Variants in SLC30A6 observed in about 807,000 individuals in gnomAD.
The protein encoded by SLC30A6 is zinc transporter 6.
Under a neutral mutation model 63.0 loss-of-function variants are expected in SLC30A6, and 55 were observed. The observed-to-expected ratio is 0.87, with a 90% CI of 0.70 to 1.09. SLC30A6 has a LOEUF of 1.09. Among genes scored for constraint, SLC30A6 ranks in the 50% least tolerant of loss-of-function variants. The probability of loss-of-function intolerance (pLI) is 0.00; values close to 1 mark genes in which losing one functional copy is unlikely to be tolerated. For synonymous variants in SLC30A6, 224 were observed against 186.1 expected, an observed-to-expected ratio of 1.20 and a Z score of -1.66; for missense variants, 587 against 549.2, an observed-to-expected ratio of 1.07 and a Z score of -0.69.
intron 4 of SLC30A6, among the ~76,000 whole-genome samples, chr2:32,179,533 C>A (rs1318794508): frequency 6.6e-6 from 1 of 152,104 alleles, no homozygotes; most frequent in Non-Finnish European, 1.5e-5. Flanking sequence ...AGGGTAGGAC[C>A]CAAGAATTTG....
At chr2:32,171,172 T>C (rs1031441201) in intron 1 of SLC30A6, 115 bp from the exon 2 acceptor site, 1 of 738,342 alleles carries the variant, frequency 1.4e-6, no homozygotes, top group East Asian at 2.8e-5. Flanking sequence ...TTGATGTATA[T>C]TGAGTACTTA....
At chr2:32,174,711 G>A (rs1337940110) in intron 3 of SLC30A6, among the ~76,000 whole-genome samples, 2 of 151,490 alleles carry the variant, frequency 1.3e-5, no homozygotes, top group African/African-American at 2.4e-5. Context: ...GTACCACCAC[G>A]CCTGGCTAAT....
chr2:32,204,425 A>G (rs1280950734), intron 10 of SLC30A6, among the ~76,000 whole-genome samples, 165 bp from the exon 11 acceptor site: 1 of 152,170 alleles, frequency 6.6e-6, no homozygotes, highest in Non-Finnish European at 1.5e-5. Context: ...TAAAAACTGG[A>G]GTATTTTTCT....
chr2:32,197,816 A>G lies in SLC30A6; in HGVS notation c.655A>G (p.Ile219Val), dbSNP rs138194998. 9 of 1,613,324 alleles carry G rather than the reference A, an allele frequency of 5.6e-6. No individual in the cohort carries two copies. The highest frequency in any genetic ancestry group is 1.1e-5 in the South Asian group (1 of 90,904). Reference sequence around the variant, plus strand: ...TGCTCTTTGTATTACATATATGCTCATTGAAATTAAGTGAGTATTTTTTAT... The same window carrying G: ...TGCTCTTTGTATTACATATATGCTCGTTGAAATTAAGTGAGTATTTTTTAT... The part of the protein sequence containing the change: ...AFALCITYML[I>V]EINNYFAVDT... The change falls in exon 10 of 14, where the codon ATT becomes GTT. Residue 219 changes from isoleucine to valine, a missense_variant. Ile to Val is a conservative substitution (Grantham distance 29). Coordinates refer to ENST00000282587, the MANE Select transcript of SLC30A6 (RefSeq NM_017964.5).
chr2:32,203,135 C>T, intron 10 of SLC30A6: 1 of 1,281,006 alleles, frequency 7.8e-7, no homozygotes, highest in Non-Finnish European at 1.1e-6. Flanking sequence ...TGGTGGCAAC[C>T]AACGTGGCTG....
intron 7 of SLC30A6, among the ~76,000 whole-genome samples, chr2:32,193,640 C>T (rs1365720605): frequency 6.6e-6 from 1 of 152,148 alleles, no homozygotes. Context: ...AGATTTATAA[C>T]AGCGTTTACC....
chr2:32,198,965 C>T (rs556532407), intron 10 of SLC30A6, among the ~76,000 whole-genome samples: 4 of 152,154 alleles, frequency 2.6e-5, no homozygotes, highest in Non-Finnish European at 5.9e-5. Flanking sequence ...CCTTAAATTC[C>T]ATGCTCATTA....
intron 4 of SLC30A6, among the ~76,000 whole-genome samples, chr2:32,179,639 A>T (rs1030073910): frequency 6.6e-6 from 1 of 152,212 alleles, no homozygotes; most frequent in African/African-American, 2.4e-5. Flanking sequence ...ATAAAATCAA[A>T]GCATTTTATG....
chr2:32,182,207 G>T lies in SLC30A6; in HGVS notation c.219-2066G>T, dbSNP rs1193204296. ...CTGCCCTGACCTCCCAAAGTGCTAGGTTTACAGGCATGAGCCACCACGCCC... is the reference window on the plus strand; with the variant it reads ...CTGCCCTGACCTCCCAAAGTGCTAGTTTTACAGGCATGAGCCACCACGCCC... On this transcript the variant is annotated intron_variant, in intron 4 of 13. Coordinates refer to ENST00000282587, the MANE Select transcript of SLC30A6 (RefSeq NM_017964.5). Among the ~76,000 whole-genome samples, 8 of 151,988 alleles carry T rather than the reference G, an allele frequency of 5.3e-5. 1 individual carries two copies.
At chr2:32,208,078 C>T (rs1314313396) in intron 12 of SLC30A6, among the ~76,000 whole-genome samples, 4 of 151,744 alleles carry the variant, frequency 2.6e-5, no homozygotes, top group East Asian at 1.9e-4. Flanking sequence ...GTGATCCACC[C>T]GCCTCGGCCT....
chr2:32,203,514 C>T (rs1684476374), intron 10 of SLC30A6: 1 of 1,605,732 alleles, frequency 6.2e-7, no homozygotes, highest in Non-Finnish European at 8.5e-7. Flanking sequence ...ATTTCTGGTG[C>T]ATCAGGCTTT....
At chr2:32,214,149 C>T (rs559151267) in intron 13 of SLC30A6, among the ~76,000 whole-genome samples, 46 of 152,162 alleles carry the variant, frequency 3.0e-4, no homozygotes, top group Admixed American at 1.3e-4. Context: ...GTTGGCCAGG[C>T]TGGTCTCGAA....
chr2:32,210,122 T>G (rs1014569186), intron 13 of SLC30A6, among the ~76,000 whole-genome samples: 1 of 152,214 alleles, frequency 6.6e-6, no homozygotes, highest in Non-Finnish European at 1.5e-5. Context: ...TTAGGAATGA[T>G]GAGGAAAATA....
Position 32,223,831 on chromosome 2 carries a change from A to G in SLC30A6, c.*3118A>G, listed in dbSNP as rs1352801787. The G allele has an allele frequency of 6.6e-6, 1 of 152,170 alleles. No individual in the cohort carries two copies. Among genetic ancestry groups the G allele is most frequent in the Non-Finnish European group, 1.5e-5 (1 of 68,028 alleles). The allele number at this position is 152,170 out of a possible 1,614,324, so 9.4% of individuals were successfully genotyped here. ...GATTAGGGCAGGGTACCCTTAGTTT[A>G]TATAGGGTACAAAAGAATGGGAAAC... On this transcript the variant is annotated 3_prime_UTR_variant, in exon 14 of 14. Transcript: ENST00000282587.
Position 32,192,347 on chromosome 2 carries a change from T to C in SLC30A6, c.296T>C (p.Leu99Ser). 3 of 1,614,044 alleles carry C rather than the reference T, an allele frequency of 1.9e-6. No individual in the cohort carries two copies. The highest frequency in any genetic ancestry group is 2.5e-6 in the Non-Finnish European group (3 of 1,179,944). ...TGTTTTGGTTTCAGGTTTGAAAGAT[T>C]AGAAGTCCTGGCTGTATTTGCCTCC... is the stretch of plus-strand genomic sequence containing the variant. ...SPVYSFGFER[L>S]EVLAVFASTV... Residue 99 changes from leucine (L) to serine (S), a missense_variant, in exon 6 of 14, where the codon TTA becomes TCA. Physicochemically the swap from Leu to Ser is moderately radical, Grantham distance 145. Coordinates refer to ENST00000282587, the MANE Select transcript of SLC30A6 (RefSeq NM_017964.5).
chr2:32,209,605 G>C, intron 13 of SLC30A6, 44 bp downstream of exon 13: 1 of 1,460,880 alleles, frequency 6.8e-7, no homozygotes, highest in Non-Finnish European at 9.3e-7. Flanking sequence ...TTAAAATATA[G>C]TCTTCCATTT....
At chr2:32,190,936 A>G (rs1187446139) in intron 5 of SLC30A6, among the ~76,000 whole-genome samples, 1 of 152,088 alleles carries the variant, frequency 6.6e-6, no homozygotes, top group Non-Finnish European at 1.5e-5. Flanking sequence ...TACTGCTTTT[A>G]TGTGCCACAT....
At chr2:32,216,129 C>G (rs1287419593) in intron 13 of SLC30A6, among the ~76,000 whole-genome samples, 1 of 152,186 alleles carries the variant, frequency 6.6e-6, no homozygotes, top group Non-Finnish European at 1.5e-5. Context: ...TTTGAGAAAT[C>G]TTCAAACTGC....
chr2:32,183,306 A>G (rs1436487004), intron 4 of SLC30A6, among the ~76,000 whole-genome samples: 1 of 152,204 alleles, frequency 6.6e-6, no homozygotes, highest in Non-Finnish European at 1.5e-5. Context: ...TCCCTGCTTC[A>G]TGGAGCCTTT....
Sources: gnomAD v4.1 joint callset for allele counts (sites outside exome capture counted in the v4.1 genomes callset) on GRCh38, gnomAD v4.1.1 for gene constraint, MANE v1.5 for transcripts, NCBI Gene and HGNC (gene_info 2026-07-23, HGNC 2026-07-21) for gene names.